Variants in AP3B1 observed in about 807,000 individuals in gnomAD.
The protein encoded by AP3B1 is AP-3 complex subunit beta-1.
AP3B1 carries 61 observed loss-of-function variants against 132.5 expected under a neutral mutation model. The ratio of observed to expected loss-of-function variants is 0.46; its 90% CI spans 0.37 to 0.57. The LOEUF (loss-of-function observed/expected upper bound fraction) is 0.57, where lower values mean the gene tolerates loss of function less well. AP3B1 is among the 20% of genes least tolerant of loss of function. The pLI is 0.00. For synonymous variants in AP3B1, 388 were observed against 438.3 expected, an observed-to-expected ratio of 0.89 and a Z score of 1.43; for missense variants, 1,120 against 1,289.4, an observed-to-expected ratio of 0.87 and a Z score of 2.01.
chr5:78,050,719 CT>C (rs1748544860), intron 22 of AP3B1, among the ~76,000 whole-genome samples: 1 of 152,038 alleles, frequency 6.6e-6, no homozygotes, highest in Non-Finnish European at 1.5e-5. Flanking sequence ...TTTATTAAAA[CT>C]TATATAAACA....
At chr5:78,134,151 A>G (rs1752806785) in intron 15 of AP3B1, among the ~76,000 whole-genome samples, 1 of 147,182 alleles carries the variant, frequency 6.8e-6, no homozygotes, top group African/African-American at 2.5e-5. Context: ...ACTCGCCTCA[A>G]AAAAAAAAAA....
At chr5:78,091,924 A>C (rs1452173378) in intron 21 of AP3B1, among the ~76,000 whole-genome samples, 1 of 152,252 alleles carries the variant, frequency 6.6e-6, no homozygotes, top group Non-Finnish European at 1.5e-5. Flanking sequence ...AGGCTTAAAA[A>C]GAGCATTTAA....
At chr5:78,161,386 T>C (rs1170097001) in intron 13 of AP3B1, among the ~76,000 whole-genome samples, 1 of 152,042 alleles carries the variant, frequency 6.6e-6, no homozygotes, top group Non-Finnish European at 1.5e-5. Flanking sequence ...AACTAAAATG[T>C]AAAAGAACAA....
chr5:78,233,549 T>C (rs1444449542), intron 3 of AP3B1, among the ~76,000 whole-genome samples: 1 of 152,176 alleles, frequency 6.6e-6, no homozygotes, highest in African/African-American at 2.4e-5. Context: ...CTTTCTTTTC[T>C]AAAAGTACCC....
intron 24 of AP3B1, among the ~76,000 whole-genome samples, chr5:78,021,801 A>G (rs1383476254): frequency 1.3e-5 from 2 of 152,122 alleles, no homozygotes; most frequent in East Asian, 3.9e-4. Context: ...TACCTAGTTT[A>G]CATTCCATTG....
intron 24 of AP3B1, among the ~76,000 whole-genome samples, chr5:78,028,081 G>A (rs1050225118): frequency 4.6e-5 from 7 of 151,884 alleles, no homozygotes; most frequent in South Asian, 2.1e-4. Flanking sequence ...AGCCAAGATC[G>A]CACCACTGCA....
At position 78,294,639 on chromosome 5, in the gene AP3B1, A is replaced by T; in HGVS notation, c.-60T>A. The T allele has an allele frequency of 3.1e-6, 5 of 1,611,136 alleles. No individual in the cohort carries two copies. The highest frequency in any genetic ancestry group is 1.3e-5 in the African/African-American group (1 of 75,058). ...CCGGGGGTTCTCTCCAAAAGGTTCC[A>T]GTCCAGAGGGCACGGAACAAAACTA... On this transcript the variant is annotated 5_prime_UTR_variant, in exon 1 of 27. Transcript: ENST00000255194.
In AP3B1 at chr5:78,240,869, T is replaced by G; in HGVS notation, c.272A>C (p.Asn91Thr). 3 of 1,610,660 alleles carry G rather than the reference T, an allele frequency of 1.9e-6. No individual in the cohort carries two copies. The highest frequency in any genetic ancestry group is 2.5e-6 in the Non-Finnish European group (3 of 1,177,012). The change falls in exon 3 of 27, where the codon AAT becomes ACT. Residue 91 changes from asparagine to threonine, a missense_variant. Physicochemically the swap from Asn to Thr is moderately conservative, Grantham distance 65 (BLOSUM62 0). Coordinates refer to ENST00000255194, the MANE Select transcript of AP3B1 (RefSeq NM_003664.5). ...PAVVKNVASKNIEIKKLVYVY... is the reference protein window; with the variant it reads ...PAVVKNVASKTIEIKKLVYVY... ...TATAGATCAAAACAGTACCTCAATA[T>G]TTTTACTGGCCACATTCTTCACAAC...
intron 13 of AP3B1, among the ~76,000 whole-genome samples, chr5:78,161,940 TA>T (rs561899297): frequency 6.6e-5 from 10 of 152,078 alleles, no homozygotes; most frequent in Non-Finnish European, 1.2e-4. Flanking sequence ...AAATAAAATG[TA>T]ATCAATTTTG....
At chr5:78,048,067 G>T (rs1265062090) in intron 22 of AP3B1, among the ~76,000 whole-genome samples, 2 of 152,200 alleles carry the variant, frequency 1.3e-5, no homozygotes, top group Non-Finnish European at 2.9e-5. Flanking sequence ...TGGAATCTGC[G>T]CAATGGTGCC....
chr5:78,129,035 G>C lies in AP3B1; in HGVS notation c.1837+86C>G, dbSNP rs898392352. On this transcript the variant is annotated intron_variant, in intron 16 of 26. Transcript: ENST00000255194. ...TGCGAATCATTTATATTTCCTAAGA[G>C]ATAAATTTTAAGCACATTAGAAATG... 7 of 1,104,158 alleles carry C rather than the reference G, an allele frequency of 6.3e-6. No individual in the cohort carries two copies. In the African/African-American group the frequency reaches 9.6e-5, roughly 15 times the overall value. 68.4% of individuals were successfully genotyped at this position (1,104,158 alleles called of 1,614,324 possible). A position where few individuals can be genotyped will look rare whatever the true frequency, so the allele number is the denominator to read the frequency against.
intron 21 of AP3B1, among the ~76,000 whole-genome samples, chr5:78,097,564 T>C (rs1472737043): frequency 1.0e-5 from 1 of 96,474 alleles, no homozygotes; most frequent in Non-Finnish European, 2.1e-5. Flanking sequence ...AGGTAGGGGG[T>C]CAGCCCCCCG....
chr5:78,138,868 G>A (rs1753021614), intron 15 of AP3B1, among the ~76,000 whole-genome samples: 1 of 150,958 alleles, frequency 6.6e-6, no homozygotes, highest in African/African-American at 2.4e-5. Flanking sequence ...TACTCAGTGG[G>A]CTGAGGCATG....
rs1350760526 is a variant in AP3B1 at position 78,097,071 on chromosome 5, G to GC, written c.2470+3881dup. On this transcript the variant is annotated intron_variant, in intron 21 of 26. Coordinates refer to ENST00000255194, the MANE Select transcript of AP3B1 (RefSeq NM_003664.5). ...GTCCGGGAGGGAGGTTGGGGGGTCA[G>GC]CCCCCCGCCCGGCCAGCCGCCCCGT... is the stretch of plus-strand genomic sequence containing the variant. Among the ~76,000 whole-genome samples, 515 of 107,990 alleles carry GC rather than the reference G, an allele frequency of 4.8e-3. 32 individuals are homozygous for GC. Among genetic ancestry groups the GC allele is most frequent in the African/African-American group, 0.019 (473 of 25,092 alleles). The allele number at this position is 107,990 out of a possible 152,430, so 70.8% of individuals were successfully genotyped here. A position where few individuals can be genotyped will look rare whatever the true frequency, so the allele number is the denominator to read the frequency against.
At chr5:78,059,849 T>TACCA (rs1286225697) in intron 22 of AP3B1, among the ~76,000 whole-genome samples, 10 of 152,174 alleles carry the variant, frequency 6.6e-5, no homozygotes, top group African/African-American at 2.4e-4. Flanking sequence ...CCCCCTTTAT[T>TACCA]TAGTATGAAT....
intron 21 of AP3B1, 134 bp from the exon 22 acceptor site, chr5:78,089,633 T>C: frequency 1.4e-6 from 1 of 706,496 alleles, no homozygotes. Context: ...CTATTTAACA[T>C]CTTGATTTAG....
intron 20 of AP3B1, among the ~76,000 whole-genome samples, chr5:78,109,194 T>C (rs1256495998): frequency 2.6e-5 from 4 of 152,198 alleles, no homozygotes; most frequent in African/African-American, 7.2e-5. Context: ...CAGACACAAG[T>C]TTTAAATATA....
chr5:78,222,178 T>G (rs1746206991), intron 6 of AP3B1: 1 of 151,698 alleles, frequency 6.6e-6, no homozygotes. Context: ...TCAGAGTTGG[T>G]GCTGTCATGG....
chr5:78,045,549 G>A (rs983984581), intron 22 of AP3B1, among the ~76,000 whole-genome samples: 10 of 151,484 alleles, frequency 6.6e-5, no homozygotes, highest in East Asian at 3.9e-4. Context: ...TAAATACTTC[G>A]ACTACTTCCA....
Sources: gnomAD v4.1 joint callset for allele counts (sites outside exome capture counted in the v4.1 genomes callset) on GRCh38, gnomAD v4.1.1 for gene constraint, MANE v1.5 for transcripts, NCBI Gene and HGNC (gene_info 2026-07-23, HGNC 2026-07-21) for gene names.